PTPRM: variants seen among roughly 807,000 people sequenced by gnomAD.
PTPRM encodes the protein receptor-type tyrosine-protein phosphatase mu.
In PTPRM, 47 loss-of-function variants were observed where a neutral mutation model predicts 186.7. The ratio of observed to expected loss-of-function variants is 0.25; its 90% CI spans 0.20 to 0.32. PTPRM has a LOEUF of 0.32. PTPRM is among the 10% of genes least tolerant of loss of function. The probability of loss-of-function intolerance (pLI) is 1.00; values close to 1 mark genes in which losing one functional copy is unlikely to be tolerated. For missense variants in PTPRM, 1,494 were observed against 1,865.0 expected (o/e 0.80, Z 3.66); for synonymous variants, 668 against 674.9 (o/e 0.99, Z 0.16).
chr18:7,637,046 T>C (rs2038330461), intron 1 of PTPRM, among the ~76,000 whole-genome samples: 1 of 151,420 alleles, frequency 6.6e-6, no homozygotes, highest in African/African-American at 2.4e-5. Context: ...TGCATGTCTG[T>C]AATCCCAGCT....
chr18:7,721,681 CA>C, intron 1 of PTPRM, among the ~76,000 whole-genome samples: 2 of 152,172 alleles, frequency 1.3e-5, no homozygotes, highest in Admixed American at 1.3e-4. Context: ...CCAGTTTATT[CA>C]GTACCGTTTG....
chr18:7,993,680 C>G (rs573165446), intron 7 of PTPRM, among the ~76,000 whole-genome samples: 192 of 152,192 alleles, frequency 1.3e-3, no homozygotes, highest in African/African-American at 4.3e-3. Context: ...CAAACAAAAA[C>G]TGATGGGATT....
chr18:7,925,893 A>G (rs1338598864), intron 4 of PTPRM, among the ~76,000 whole-genome samples: 1 of 152,228 alleles, frequency 6.6e-6, no homozygotes, highest in Non-Finnish European at 1.5e-5. Context: ...TTATTTAAAC[A>G]GCTGTCCCAT....
intron 2 of PTPRM, among the ~76,000 whole-genome samples, chr18:7,846,975 G>A (rs1466796648): frequency 2.0e-5 from 3 of 151,612 alleles, no homozygotes; most frequent in Non-Finnish European, 4.4e-5. Context: ...GACTATCACT[G>A]TATTTTGAAG....
At chr18:7,834,491 T>TACACACACACACACATACACACACACAC (rs1555613408) in intron 2 of PTPRM, among the ~76,000 whole-genome samples, 3 of 84,606 alleles carry the variant, frequency 3.5e-5, no homozygotes, top group Non-Finnish European at 7.0e-5. Context: ...TATACAAGTA[T>TACACACACACACACATACACACACACAC]ACACACACAC....
chr18:8,079,280 C>G (rs774905105), intron 9 of PTPRM, among the ~76,000 whole-genome samples: 2 of 152,124 alleles, frequency 1.3e-5, no homozygotes, highest in African/African-American at 2.4e-5. Flanking sequence ...TACCCTCCAC[C>G]TCAGTCATTT....
At chr18:8,242,511 C>T (rs755689498) in intron 14 of PTPRM, among the ~76,000 whole-genome samples, 59 of 152,246 alleles carry the variant, frequency 3.9e-4, no homozygotes, top group Non-Finnish European at 6.9e-4. Context: ...ATGATCCCCA[C>T]GGGGCAAGAG....
rs539897876 is a variant in PTPRM at position 8,156,601 on chromosome 18, A to G, written c.2300+12822A>G. Among the ~76,000 whole-genome samples, 575 of 152,306 alleles carry G rather than the reference A, an allele frequency of 3.8e-3. 5 individuals carry two copies. Among genetic ancestry groups the G allele is most frequent in the African/African-American group, 0.013 (531 of 41,566 alleles). Reference sequence around the variant, plus strand: ...ACGTAGGTAGTCCGTGGGAGGGCCTAGTCTAAGTCAGTGCATCTGACTTTT... The same window carrying G: ...ACGTAGGTAGTCCGTGGGAGGGCCTGGTCTAAGTCAGTGCATCTGACTTTT... On this transcript the variant is annotated intron_variant, in intron 14 of 32. Transcript: ENST00000580170.
At chr18:7,569,240 T>A (rs1173525531) in intron 1 of PTPRM, among the ~76,000 whole-genome samples, 1 of 152,188 alleles carries the variant, frequency 6.6e-6, no homozygotes. Context: ...GGCACATTAG[T>A]TGTGTCTTGT....
At chr18:7,647,322 A>G (rs2038589120) in intron 1 of PTPRM, among the ~76,000 whole-genome samples, 1 of 152,234 alleles carries the variant, frequency 6.6e-6, no homozygotes, top group South Asian at 2.1e-4. Context: ...AAAATCTGGT[A>G]TAAAAATCTT....
At chr18:8,070,020 G>T (rs1320472406) in intron 8 of PTPRM, 26 bp downstream of exon 8, 5 of 1,574,662 alleles carry the variant, frequency 3.2e-6, no homozygotes, top group Non-Finnish European at 4.3e-6. Context: ...TGATATGTTT[G>T]TGTAAAACAT....
At chr18:7,620,957 G>A (rs2037922779) in intron 1 of PTPRM, among the ~76,000 whole-genome samples, 1 of 152,186 alleles carries the variant, frequency 6.6e-6, no homozygotes, top group South Asian at 2.1e-4. Context: ...GGAGGCTCAG[G>A]AGGATTGCTT....
At chr18:8,294,399 C>T (rs1441782858) in intron 19 of PTPRM, among the ~76,000 whole-genome samples, 1 of 152,122 alleles carries the variant, frequency 6.6e-6, no homozygotes, top group African/African-American at 2.4e-5. Context: ...TTCTTCACCT[C>T]GTGACAGCAA....
At chr18:7,781,391 A>G (rs949567415) in intron 2 of PTPRM, among the ~76,000 whole-genome samples, 2 of 152,188 alleles carry the variant, frequency 1.3e-5, no homozygotes, top group African/African-American at 4.8e-5. Flanking sequence ...TTGAGTCAAG[A>G]TTTTTTAAGT....
chr18:8,147,116 T>C (rs2092904886), intron 14 of PTPRM, among the ~76,000 whole-genome samples: 1 of 152,210 alleles, frequency 6.6e-6, no homozygotes, highest in Non-Finnish European at 1.5e-5. Flanking sequence ...TTACTTAGAT[T>C]GTCTTGGCTA....
At chr18:8,242,235 A>G (rs1416186659) in intron 14 of PTPRM, among the ~76,000 whole-genome samples, 1 of 152,220 alleles carries the variant, frequency 6.6e-6, no homozygotes, top group Non-Finnish European at 1.5e-5. Flanking sequence ...AAGCAAATCA[A>G]AGAAATTCAA....
intron 1 of PTPRM, among the ~76,000 whole-genome samples, chr18:7,653,407 T>C (rs1373156017): frequency 6.6e-6 from 1 of 152,062 alleles, no homozygotes. Flanking sequence ...GTACAGATTG[T>C]TTCATCACCC....
At chr18:8,115,691 G>A (rs1026095513) in intron 13 of PTPRM, among the ~76,000 whole-genome samples, 24 of 152,334 alleles carry the variant, frequency 1.6e-4, no homozygotes, top group Non-Finnish European at 2.9e-4. Context: ...CATTAGGTCT[G>A]TAGCAGAAGA....
chr18:8,300,660 G>A (rs557859550), intron 20 of PTPRM, among the ~76,000 whole-genome samples: 35 of 152,220 alleles, frequency 2.3e-4, no homozygotes, highest in East Asian at 5.8e-4. Context: ...TGGGCATTGC[G>A]GTGGGCTGTC....
Sources: gnomAD v4.1 joint callset for allele counts (sites outside exome capture counted in the v4.1 genomes callset) on GRCh38, gnomAD v4.1.1 for gene constraint, MANE v1.5 for transcripts, NCBI Gene and HGNC (gene_info 2026-07-23, HGNC 2026-07-21) for gene names.